Variants in ATAD3B observed in about 807,000 individuals in gnomAD.
The protein encoded by ATAD3B is ATPase family AAA domain containing 3B.
In ATAD3B, 59 loss-of-function variants were observed where a neutral mutation model predicts 70.2. That is an observed-to-expected ratio of 0.84 (90% CI 0.68 to 1.04). The LOEUF is 1.04. ATAD3B is among the 50% of genes least tolerant of loss of function. The probability of loss-of-function intolerance (pLI) is 0.00; values close to 1 mark genes in which losing one functional copy is unlikely to be tolerated. For synonymous variants in ATAD3B, 423 were observed against 388.6 expected (o/e 1.09, Z -1.04); for missense variants, 961 against 913.4 (o/e 1.05, Z -0.67).
At chr1:1,499,726 C>T (rs1640904073), downstream of ATAD3B, among the ~76,000 whole-genome samples, 1 of 149,990 alleles carries the variant, frequency 6.7e-6, no homozygotes, top group Non-Finnish European at 1.5e-5. Flanking sequence ...TCCCAAGTAG[C>T]TGGGATTATA....
In ATAD3B at chr1:1,482,140, A is replaced by G. The variant is rs1184421829; in HGVS notation, c.517A>G (p.Thr173Ala). Reference sequence around the variant, plus strand: ...GCTGCCCTGCCTCTCTGGGGCAGCCACCGTGGAGCGGGAGATGGAGCTGCG... The same window carrying G: ...GCTGCCCTGCCTCTCTGGGGCAGCCGCCGTGGAGCGGGAGATGGAGCTGCG... ...VQKQEAMRRA[T>A]VEREMELRHK... Residue 173 changes from threonine to alanine, a missense_variant and splice_region_variant, in exon 6 of 16, where the codon ACC (threonine) becomes GCC (alanine). Transcript: ENST00000673477. The G allele has an allele frequency of 7.5e-6, 12 of 1,607,742 alleles. No homozygotes were observed. The highest frequency in any genetic ancestry group is 1.0e-5 in the Non-Finnish European group (12 of 1,178,264).
intron 15 of ATAD3B, among the ~76,000 whole-genome samples, chr1:1,492,494 A>G (rs2100597285): frequency 6.6e-6 from 1 of 150,876 alleles, no homozygotes; most frequent in African/African-American, 2.4e-5. Context: ...AAAAATAATA[A>G]TAAGAAGAAT....
intron 15 of ATAD3B, among the ~76,000 whole-genome samples, chr1:1,493,360 A>G (rs1468748101): frequency 6.6e-6 from 1 of 151,950 alleles, no homozygotes; most frequent in African/African-American, 2.4e-5. Context: ...TGAGTATGTT[A>G]GCTGTGGACT....
the ATAD3B span, among the ~76,000 whole-genome samples, chr1:1,505,677 G>A: frequency 6.6e-6 from 1 of 152,124 alleles, no homozygotes; most frequent in Non-Finnish European, 1.5e-5. Context: ...GGGCGTAACG[G>A]AAGGCTCGCA....
At chr1:1,479,249 G>A in intron 4 of ATAD3B, 141 bp downstream of exon 4, 1 of 1,015,458 alleles carries the variant, frequency 9.8e-7, no homozygotes, top group Non-Finnish European at 1.4e-6. Flanking sequence ...AAACTACTCG[G>A]ACAGACACGC....
rs1468206969 is a variant in ATAD3B, at chr1:1,495,925, C to A, written c.*108C>A. 8 of 1,424,396 alleles carry A rather than the reference C, an allele frequency of 5.6e-6. No homozygotes were observed. The African/African-American group carries it at 1.1e-4, about 20-fold the overall frequency. The allele number at this position is 1,424,396 out of a possible 1,614,324, so 88.2% of individuals were successfully genotyped here. On this transcript the variant is annotated 3_prime_UTR_variant, in exon 16 of 16. Coordinates refer to ENST00000673477, the MANE Select transcript of ATAD3B (RefSeq NM_031921.6). ...GAGGGTGAGGCTTTGTACCCCAGCC[C>A]CTGCCCAGGCCACTGTGAGGGTGGG... is the stretch of plus-strand genomic sequence containing the variant.
intron 7 of ATAD3B, chr1:1,484,269 C>T (rs1045165936): frequency 6.6e-6 from 1 of 151,892 alleles, no homozygotes; most frequent in African/African-American, 2.4e-5. Flanking sequence ...TCAGCTTCGC[C>T]TCTTGGGTTC....
At chr1:1,501,324 G>A (rs538112986), downstream of ATAD3B, among the ~76,000 whole-genome samples, 94 of 151,604 alleles carry the variant, frequency 6.2e-4, no homozygotes, top group Middle Eastern at 3.4e-3. Context: ...GCACGATCTC[G>A]GCTCACTGCA....
intron 12 of ATAD3B, among the ~76,000 whole-genome samples, chr1:1,488,248 G>C (rs920481449): frequency 1.3e-5 from 2 of 151,840 alleles, no homozygotes; most frequent in South Asian, 2.1e-4. Context: ...GATCCACCAC[G>C]CCCAGCCATA....
chr1:1,484,609 G>A, intron 7 of ATAD3B: 1 of 183,896 alleles, frequency 5.4e-6, no homozygotes, highest in Non-Finnish European at 1.1e-5. Context: ...TTACAGACCT[G>A]GCCAGCCTAA....
At chr1:1,506,367 A>G in the ATAD3B span, among the ~76,000 whole-genome samples, 2 of 151,620 alleles carry the variant, frequency 1.3e-5, no homozygotes, top group African/African-American at 4.9e-5. Flanking sequence ...TCCAGTCTCT[A>G]TATTGCCTTG....
At chr1:1,480,455 G>C (rs1482174783) in intron 4 of ATAD3B, among the ~76,000 whole-genome samples, 5 of 147,018 alleles carry the variant, frequency 3.4e-5, no homozygotes. Context: ...CTGTTCCCTG[G>C]TCCTTAGGGA....
At chr1:1,483,038 T>C (rs1260816769) in intron 7 of ATAD3B, 1 of 455,930 alleles carries the variant, frequency 2.2e-6, no homozygotes, top group Non-Finnish European at 4.4e-6. Context: ...CTCAGGCCTG[T>C]AATCCCAGCA....
chr1:1,509,067 G>C, the ATAD3B span: 2 of 1,409,720 alleles, frequency 1.4e-6, no homozygotes, highest in East Asian at 5.0e-5. Context: ...GCTCTGCCGA[G>C]GTGCGGGAAG....
Position 1,495,517 on chromosome 1 carries a change from C to A in ATAD3B, c.1647C>A (p.Leu549=), listed in dbSNP as rs370500078. 6.2e-7 allele frequency: 1 copy of A among 1,610,732 alleles called. No homozygotes were observed. Among genetic ancestry groups the A allele is most frequent in the Admixed American group, 1.7e-5 (1 of 59,884 alleles). The change falls in exon 16 of 16, where the codon CTC becomes CTA. Residue 549 remains leucine, a synonymous_variant. Transcript: ENST00000673477. ...ATAYASKDGV[L]TEAMMDACVQ... is the part of the protein sequence containing the mutation. The stretch of plus-strand genomic sequence containing the variant: ...CATATGCCTCCAAGGACGGGGTCCT[C>A]ACTGAGGCCATGATGGACGCCTGTG...
Position 1,496,317 on chromosome 1 carries a change from T to C in ATAD3B, c.*500T>C, listed in dbSNP as rs1321965595. 8 of 887,336 alleles carry C rather than the reference T, an allele frequency of 9.0e-6. No homozygotes were observed. In the African/African-American group the frequency reaches 1.4e-4, roughly 16 times the overall value. The allele number at this position is 887,336 out of a possible 1,614,324, so 55.0% of individuals were successfully genotyped here. On this transcript the variant is annotated 3_prime_UTR_variant, in exon 16 of 16. Transcript: ENST00000673477. The stretch of plus-strand genomic sequence containing the variant: ...GGCTGGAGCTTTCTGGAGAATTTAC[T>C]GATCACAGAGCGGTGTGCTTCACAT...
chr1:1,481,960 G>A (rs1639928686), intron 5 of ATAD3B, among the ~76,000 whole-genome samples, 178 bp from the exon 6 acceptor site: 1 of 145,362 alleles, frequency 6.9e-6, no homozygotes, highest in Admixed American at 6.8e-5. Flanking sequence ...TCCGTGGTGC[G>A]GGCCTGTCCG....
chr1:1,503,630 C>T, the ATAD3B span: 74 of 1,612,180 alleles, frequency 4.6e-5, no homozygotes, highest in East Asian at 1.1e-3. Flanking sequence ...CAGGAGCAGA[C>T]GCTGCAGTTG....
At chr1:1,479,285 T>C (rs1357625194) in intron 4 of ATAD3B, among the ~76,000 whole-genome samples, 177 bp downstream of exon 4, 1 of 147,338 alleles carries the variant, frequency 6.8e-6, no homozygotes, top group Admixed American at 6.9e-5. Context: ...CAGGCACACA[T>C]GCAGATGTGT....
Sources: gnomAD v4.1 joint callset for allele counts (sites outside exome capture counted in the v4.1 genomes callset) on GRCh38, gnomAD v4.1.1 for gene constraint, MANE v1.5 for transcripts, NCBI Gene and HGNC (gene_info 2026-07-23, HGNC 2026-07-21) for gene names.